The following ODAPH variants were observed in gnomAD, a reference collection of about 807,000 sequenced individuals.
ODAPH encodes the protein amelogenesis imperfecta type IIA4.
A neutral mutation model predicts 2.8 loss-of-function variants in ODAPH; 2 were observed. The ratio of observed to expected loss-of-function variants is 0.72; its 90% CI spans 0.30 to 2.28. The LOEUF (loss-of-function observed/expected upper bound fraction) is 2.28, where lower values mean the gene tolerates loss of function less well. ODAPH is among the 30% of genes most tolerant of loss of function. The pLI is 0.13. For synonymous variants in ODAPH, 75 were observed against 60.3 expected (o/e 1.24, Z -1.13); for missense variants, 159 against 163.3 (o/e 0.97, Z 0.14).
intron 1 of ODAPH, among the ~76,000 whole-genome samples, chr4:75,561,685 A>G (rs181394920): frequency 1.3e-3 from 200 of 152,154 alleles, no homozygotes; most frequent in Non-Finnish European, 2.4e-3. Flanking sequence ...CATCTCTACT[A>G]AAAATACAAA....
intron 1 of ODAPH, among the ~76,000 whole-genome samples, chr4:75,558,818 C>T (rs1727451158): frequency 6.6e-6 from 1 of 152,128 alleles, no homozygotes; most frequent in Admixed American, 6.5e-5. Context: ...GCCTCAGCCT[C>T]CAGAGTAGCT....
chr4:75,560,275 G>C (rs1727510299), intron 1 of ODAPH, among the ~76,000 whole-genome samples: 1 of 152,220 alleles, frequency 6.6e-6, no homozygotes, highest in Admixed American at 6.5e-5. Flanking sequence ...AATCAACTTA[G>C]AAAGGTAGAG....
chr4:75,556,271 G>A lies in ODAPH; in HGVS notation c.67+122G>A, dbSNP rs1036312873. On this transcript the variant is annotated intron_variant, in intron 1 of 1. Coordinates refer to ENST00000311623, the MANE Select transcript of ODAPH (RefSeq NM_178497.5). Reference sequence around the variant, plus strand: ...GAAATATTTACCTCAGCTTCCATCAGCCTGTGTGGTTAAAGAGAAGGAAGT... The same window carrying A: ...GAAATATTTACCTCAGCTTCCATCAACCTGTGTGGTTAAAGAGAAGGAAGT... The A allele has an allele frequency of 3.3e-5, 34 of 1,021,722 alleles. No individual in the cohort carries two copies. The African/African-American group carries it at 4.3e-4, about 13-fold the overall frequency. 63.3% of individuals were successfully genotyped at this position (1,021,722 alleles called of 1,614,324 possible).
At position 75,564,759 on chromosome 4, in the gene ODAPH, T is replaced by C. The variant is rs1727749969; in HGVS notation, c.*320T>C. On this transcript the variant is annotated 3_prime_UTR_variant, in exon 2 of 2. Transcript: ENST00000311623. Reference sequence around the variant, plus strand: ...TATCCATACTAAGATGCTGAGAGAATCCATCTCCTCCTCTAAATTAAACAG... The same window carrying C: ...TATCCATACTAAGATGCTGAGAGAACCCATCTCCTCCTCTAAATTAAACAG... 10 of 527,518 alleles carry C rather than the reference T, an allele frequency of 1.9e-5. No individual in the cohort carries two copies. Among genetic ancestry groups the C allele is most frequent in the African/African-American group, 1.7e-4 (9 of 52,418 alleles). The allele number at this position is 527,518 out of a possible 1,614,324, so 32.7% of individuals were successfully genotyped here.
chr4:75,564,587 CTCTT>C lies in ODAPH; in HGVS notation c.*150_*153del, dbSNP rs1727742199. ...TAAACATCACTGACTAGAAACTGTT[CTCTT>C]TGTCAGCAGTGAAGATATTGGATCA... On this transcript the variant is annotated 3_prime_UTR_variant, in exon 2 of 2. Coordinates refer to ENST00000311623, the MANE Select transcript of ODAPH (RefSeq NM_178497.5). 23 of 1,514,496 alleles carry C rather than the reference CTCTT, an allele frequency of 1.5e-5. No individual in the cohort carries two copies. The South Asian group carries it at 2.3e-4, about 15-fold the overall frequency. The allele number at this position is 1,514,496 out of a possible 1,614,324, so 93.8% of individuals were successfully genotyped here. A position where few individuals can be genotyped will look rare whatever the true frequency, so the allele number is the denominator to read the frequency against.
chr4:75,564,280 G>A lies in ODAPH; in HGVS notation c.234G>A (p.Arg78=), dbSNP rs1727722825. The stretch of plus-strand genomic sequence containing the variant: ...GTCCCTTCCATTTTTTTCCACGAAG[G>A]CCCAGAATCCATTTTAGGTTTCCAA... The part of the protein sequence containing the change: ...PRCPFHFFPR[R]PRIHFRFPNR... The change falls in exon 2 of 2, where the codon AGG becomes AGA. Residue 78 remains arginine (R), a synonymous_variant. Transcript: ENST00000311623. 6.2e-7 allele frequency: 1 copy of A among 1,613,990 alleles called. No homozygotes were observed. The highest frequency in any genetic ancestry group is 1.7e-5 in the Admixed American group (1 of 59,980).
intron 1 of ODAPH, among the ~76,000 whole-genome samples, chr4:75,558,581 G>T (rs567045958): frequency 6.6e-6 from 1 of 151,520 alleles, no homozygotes; most frequent in African/African-American, 2.4e-5. Context: ...GTAGTTGTTG[G>T]TATGCTGTGA....
intron 1 of ODAPH, chr4:75,556,692 T>A: frequency 1.3e-6 from 1 of 794,984 alleles, no homozygotes; most frequent in Non-Finnish European, 2.1e-6. Context: ...TTTATTAGAT[T>A]CCATTTCTCA....
chr4:75,561,091 G>T (rs771174335), intron 1 of ODAPH, among the ~76,000 whole-genome samples: 1 of 152,066 alleles, frequency 6.6e-6, no homozygotes, highest in Non-Finnish European at 1.5e-5. Flanking sequence ...GGGCGTGGTG[G>T]CGCGCGCCTG....
At chr4:75,561,186 T>C (rs1004702118) in intron 1 of ODAPH, among the ~76,000 whole-genome samples, 2 of 130,678 alleles carry the variant, frequency 1.5e-5, no homozygotes, top group Non-Finnish European at 3.1e-5. Context: ...ATCGCGCCAC[T>C]GCACTCCAGC....
chr4:75,564,010 T>C (rs1727703876), intron 1 of ODAPH, 104 bp from the exon 2 acceptor site: 2 of 990,710 alleles, frequency 2.0e-6, no homozygotes, highest in Non-Finnish European at 1.6e-6. Flanking sequence ...CATTGAGATT[T>C]CTCTAATTCT....
intron 1 of ODAPH, among the ~76,000 whole-genome samples, chr4:75,557,770 C>T (rs932413668): frequency 6.6e-6 from 1 of 152,238 alleles, no homozygotes; most frequent in Non-Finnish European, 1.5e-5. Flanking sequence ...GTTCATCGCT[C>T]GTTCACACAC....
At chr4:75,563,005 C>CTTTTTTTTTTTT (rs542417085) in intron 1 of ODAPH, among the ~76,000 whole-genome samples, 2 of 59,538 alleles carry the variant, frequency 3.4e-5, no homozygotes, top group African/African-American at 1.3e-4. Context: ...ATCCACACAT[C>CTTTTTTTTTTTT]TTTTTTTTTT....
rs779985232 is a variant in ODAPH at position 75,564,133 on chromosome 4, G to T, written c.87G>T (p.Thr29=). 13 of 1,613,982 alleles carry T rather than the reference G, an allele frequency of 8.1e-6. No individual in the cohort carries two copies. Among genetic ancestry groups the T allele is most frequent in the Non-Finnish European group, 1.1e-5 (13 of 1,180,036 alleles). Residue 29 remains threonine (T), a synonymous_variant, in exon 2 of 2, where the codon ACG becomes ACT. Coordinates refer to ENST00000311623, the MANE Select transcript of ODAPH (RefSeq NM_178497.5). ...TVAEGQEEVF[T]PPGDSQNNAD... is the part of the protein sequence containing the mutation. Reference sequence around the variant, plus strand: ...CCACAGGACAAGAAGAGGTATTTACGCCTCCTGGAGATTCACAAAATAATG... The same window carrying T: ...CCACAGGACAAGAAGAGGTATTTACTCCTCCTGGAGATTCACAAAATAATG...
In ODAPH at chr4:75,564,178, G is replaced by A. The variant is rs763960044; in HGVS notation, c.132G>A (p.Gln44=). The change falls in exon 2 of 2, where the codon CAG becomes CAA. Residue 44 remains glutamine, a synonymous_variant. Coordinates refer to ENST00000311623, the MANE Select transcript of ODAPH (RefSeq NM_178497.5). ...ATAATGCGGACGCTACCGACTGCCA[G>A]ATCTTTACACTCACCCCTCCACCTG... The part of the protein sequence containing the change: ...SQNNADATDC[Q]IFTLTPPPAP... 3.1e-6 allele frequency: 5 copies of A among 1,614,190 alleles called. No individual in the cohort carries two copies. Among genetic ancestry groups the A allele is most frequent in the Non-Finnish European group, 4.2e-6 (5 of 1,180,040 alleles).
intron 1 of ODAPH, among the ~76,000 whole-genome samples, chr4:75,562,288 A>C (rs756790031): frequency 6.6e-6 from 1 of 151,970 alleles, no homozygotes; most frequent in African/African-American, 2.4e-5. Context: ...ATGAGAGGGG[A>C]ATCTAGTCCT....
In ODAPH at chr4:75,564,386, A is replaced by G. The variant is rs1403057186; in HGVS notation, c.340A>G (p.Arg114Gly). Reference sequence around the variant, plus strand: ...TTGGCCACACCGTTACCTTACTTATAGGTATTTCCCCAGAAGAAGACTCCA... The same window carrying G: ...TTGGCCACACCGTTACCTTACTTATGGGTATTTCCCCAGAAGAAGACTCCA... ...FYWPHRYLTY[R>G]YFPRRRLQRG... Residue 114 changes from arginine (R) to glycine (G), a missense_variant, in exon 2 of 2, where the codon AGG (arginine) becomes GGG (glycine). Arg to Gly is a moderately radical substitution (Grantham distance 125, BLOSUM62 -2). Transcript: ENST00000311623. 1 of 1,614,182 alleles carries G rather than the reference A, an allele frequency of 6.2e-7. No individual in the cohort carries two copies. The highest frequency in any genetic ancestry group is 1.1e-5 in the South Asian group (1 of 91,080).
At chr4:75,558,187 C>T (rs751189704) in intron 1 of ODAPH, among the ~76,000 whole-genome samples, 7 of 152,144 alleles carry the variant, frequency 4.6e-5, no homozygotes, top group Non-Finnish European at 7.3e-5. Context: ...TGACTCACAG[C>T]ATAGAATTGA....
intron 1 of ODAPH, 107 bp from the exon 2 acceptor site, chr4:75,564,007 A>G (rs775305322): frequency 2.8e-5 from 27 of 977,492 alleles, no homozygotes; most frequent in Non-Finnish European, 4.2e-5. Context: ...ATACATTGAG[A>G]TTTCTCTAAT....
Sources: gnomAD v4.1 joint callset for allele counts (sites outside exome capture counted in the v4.1 genomes callset) on GRCh38, gnomAD v4.1.1 for gene constraint, MANE v1.5 for transcripts, NCBI Gene and HGNC (gene_info 2026-07-23, HGNC 2026-07-21) for gene names.